MET: variants seen among roughly 807,000 people sequenced by gnomAD.
MET encodes hepatocyte growth factor receptor.
A neutral mutation model predicts 133.1 loss-of-function variants in MET; 48 were observed. The observed-to-expected ratio is 0.36, with a 90% CI of 0.29 to 0.46. The LOEUF (loss-of-function observed/expected upper bound fraction) is 0.46. MET is among the 20% of genes least tolerant of loss of function. The pLI is 1.00. For synonymous variants in MET, 628 were observed against 616.5 expected (o/e 1.02, Z -0.28); for missense variants, 1,442 against 1,695.9 (o/e 0.85, Z 2.63).
intron 2 of MET, among the ~76,000 whole-genome samples, chr7:116,727,223 G>A (rs954901593): frequency 3.9e-5 from 6 of 152,170 alleles, no homozygotes; most frequent in Non-Finnish European, 7.3e-5. Context: ...TTGTAATTGT[G>A]CAATCCTCAG....
chr7:116,769,148 A>G (rs1386153686), intron 11 of MET, among the ~76,000 whole-genome samples: 1 of 152,252 alleles, frequency 6.6e-6, no homozygotes, highest in Non-Finnish European at 1.5e-5. Flanking sequence ...GTGTTAATAC[A>G]TTAACAACTA....
intron 2 of MET, among the ~76,000 whole-genome samples, chr7:116,720,392 C>A (rs1192717671): frequency 1.4e-5 from 2 of 143,894 alleles, no homozygotes; most frequent in Non-Finnish European, 3.0e-5. Flanking sequence ...TGGGCTGAGA[C>A]AATGGGGTTT....
intron 5 of MET, among the ~76,000 whole-genome samples, chr7:116,749,967 G>A (rs1793851702): frequency 1.3e-5 from 2 of 152,122 alleles, no homozygotes; most frequent in Admixed American, 6.5e-5. Context: ...CCATGCTCAT[G>A]GATAGGAAGA....
At chr7:116,757,560 T>A (rs748447008) in intron 7 of MET, 21 bp downstream of exon 7, 1 of 1,612,994 alleles carries the variant, frequency 6.2e-7, no homozygotes, top group Non-Finnish European at 8.5e-7. Flanking sequence ...TTCTATCCTA[T>A]CATGTTTGAT....
At chr7:116,697,395 C>T (rs1310102033) in intron 1 of MET, among the ~76,000 whole-genome samples, 1 of 152,102 alleles carries the variant, frequency 6.6e-6, no homozygotes, top group Non-Finnish European at 1.5e-5. Context: ...CTGTTCTAAG[C>T]CACCCTGCCT....
At chr7:116,739,072 G>A (rs1294048353) in intron 3 of MET, among the ~76,000 whole-genome samples, 1 of 152,140 alleles carries the variant, frequency 6.6e-6, no homozygotes, top group Non-Finnish European at 1.5e-5. Flanking sequence ...CAACCCAGTG[G>A]CCTACTTAAG....
intron 2 of MET, among the ~76,000 whole-genome samples, chr7:116,712,114 T>C (rs1363094471): frequency 6.6e-6 from 1 of 152,194 alleles, no homozygotes; most frequent in East Asian, 1.9e-4. Context: ...GTTCCCAGAA[T>C]CCATCAGCCT....
chr7:116,759,384 T>C lies in MET; in HGVS notation c.2265-7T>C. 6.2e-7 allele frequency: 1 copy of C among 1,612,798 alleles called. No individual in the cohort carries two copies. The highest frequency in any genetic ancestry group is 8.5e-7 in the Non-Finnish European group (1 of 1,179,458). ...AACATTGTCAGTTTTCTATTTTGCT[T>C]TGCCAGTGGTGGGAGCACAATAACA... On this transcript the variant is annotated splice_polypyrimidine_tract_variant and splice_region_variant and intron_variant, in intron 9 of 20. Coordinates refer to ENST00000397752, the MANE Select transcript of MET (RefSeq NM_000245.4).
At chr7:116,688,693 T>G (rs777961116) in intron 1 of MET, among the ~76,000 whole-genome samples, 2 of 152,232 alleles carry the variant, frequency 1.3e-5, no homozygotes, top group Non-Finnish European at 2.9e-5. Flanking sequence ...TTATAAAGGA[T>G]AATCTTGAGG....
rs570036852 is a variant in MET at position 116,680,349 on chromosome 7, A to G, written c.-15+7772A>G. Among the ~76,000 whole-genome samples, 41 of 152,336 alleles carry G rather than the reference A, an allele frequency of 2.7e-4. No homozygotes were observed. The South Asian group carries it at 6.6e-3, about 25-fold the overall frequency. On this transcript the variant is annotated intron_variant, in intron 1 of 20. Transcript: ENST00000397752. ...GTATTTACATGACTTTTAAAATTCC[A>G]ATGTAAAGGTCTCACAACTTGAAAA...
intron 1 of MET, among the ~76,000 whole-genome samples, chr7:116,673,330 A>T (rs1017123880): frequency 6.6e-6 from 1 of 152,220 alleles, no homozygotes; most frequent in African/African-American, 2.4e-5. Flanking sequence ...TGGCTCACGC[A>T]TGAATAGTTG....
At chr7:116,766,661 C>A (rs1467363280) in intron 11 of MET, among the ~76,000 whole-genome samples, 1 of 152,150 alleles carries the variant, frequency 6.6e-6, no homozygotes, top group Non-Finnish European at 1.5e-5. Context: ...GAAACCTGTT[C>A]TTATTAATGG....
rs752791731 is a variant in MET, at chr7:116,796,042, C to A, written c.4091C>A (p.Pro1364Gln). The A allele has an allele frequency of 6.2e-7, 1 of 1,613,946 alleles. No homozygotes were observed. Among genetic ancestry groups the A allele is most frequent in the Admixed American group, 1.7e-5 (1 of 60,012 alleles). The change falls in exon 21 of 21, where the codon CCG (proline) becomes CAG (glutamine). Residue 1364 changes from proline to glutamine, a missense_variant. Pro to Gln is a moderately conservative substitution (Grantham distance 76, BLOSUM62 -1). Coordinates refer to ENST00000397752, the MANE Select transcript of MET (RefSeq NM_000245.4). Reference sequence around the variant, plus strand: ...TATGTGAACGTAAAATGTGTCGCTCCGTATCCTTCTCTGTTGTCATCAGAA... The same window carrying A: ...TATGTGAACGTAAAATGTGTCGCTCAGTATCCTTCTCTGTTGTCATCAGAA... ...ATYVNVKCVA[P>Q]YPSLLSSEDN...
intron 2 of MET, among the ~76,000 whole-genome samples, chr7:116,707,345 G>T (rs1469467557): frequency 3.3e-5 from 5 of 151,816 alleles, no homozygotes; most frequent in Non-Finnish European, 7.4e-5. Context: ...GTCTTATTTG[G>T]GTAAATCAGC....
In MET at chr7:116,796,261, C is replaced by A; in HGVS notation, c.*137C>A. The A allele has an allele frequency of 1.2e-6, 1 of 833,902 alleles. No homozygotes were observed. Among genetic ancestry groups the A allele is most frequent in the Non-Finnish European group, 2.0e-6 (1 of 499,906 alleles). The allele number at this position is 833,902 out of a possible 1,614,324, so 51.7% of individuals were successfully genotyped here. On this transcript the variant is annotated 3_prime_UTR_variant, in exon 21 of 21. Transcript: ENST00000397752. ...AGGACTTGTATTGTTATTTAAATTA[C>A]TGGATTCTAAGGAATTTCTTATCTG...
intron 5 of MET, among the ~76,000 whole-genome samples, chr7:116,747,511 G>A (rs1793738295): frequency 6.6e-6 from 1 of 152,052 alleles, no homozygotes; most frequent in African/African-American, 2.4e-5. Context: ...AACCAACAAA[G>A]ATCAAAAAAG....
At chr7:116,755,040 G>GA (rs66849348) in intron 5 of MET, among the ~76,000 whole-genome samples, 24 of 39,370 alleles carry the variant, frequency 6.1e-4, no homozygotes, top group African/African-American at 2.0e-3. Context: ...AAGAAAGAAA[G>GA]AAAAGAAAGA....
intron 6 of MET, 154 bp downstream of exon 6, chr7:116,755,669 C>T (rs1342386401): frequency 1.1e-6 from 1 of 944,188 alleles, no homozygotes; most frequent in Non-Finnish European, 1.6e-6. Context: ...CTGTTTTGTT[C>T]TTGTAATCCC....
chr7:116,707,347 T>C (rs1791837488), intron 2 of MET, among the ~76,000 whole-genome samples: 1 of 152,098 alleles, frequency 6.6e-6, no homozygotes, highest in Non-Finnish European at 1.5e-5. Context: ...CTTATTTGGG[T>C]AAATCAGCAA....
Sources: gnomAD v4.1 joint callset for allele counts (sites outside exome capture counted in the v4.1 genomes callset) on GRCh38, gnomAD v4.1.1 for gene constraint, MANE v1.5 for transcripts, NCBI Gene and HGNC (gene_info 2026-07-23, HGNC 2026-07-21) for gene names.